Variants in GLP2R observed in about 807,000 individuals in gnomAD.
GLP2R encodes the protein glucagon-like peptide 2 receptor.
GLP2R carries 59 observed loss-of-function variants against 68.2 expected under a neutral mutation model. The observed-to-expected ratio is 0.87, with a 90% confidence interval of 0.70 to 1.07. The LOEUF (loss-of-function observed/expected upper bound fraction) is 1.07, where lower values mean the gene tolerates loss of function less well. Ranked by LOEUF, GLP2R falls within the 50% of genes least tolerant of loss-of-function variation. GLP2R has a pLI of 0.00. For synonymous variants in GLP2R, 270 were observed against 265.4 expected (o/e 1.02, Z -0.17); for missense variants, 548 against 677.4 (o/e 0.81, Z 2.12).
At chr17:9,879,271 TAAAATAAAATAAAATAAAATAAATAAA>T (rs2067169325) in intron 10 of GLP2R, among the ~76,000 whole-genome samples, 1 of 16,622 alleles carries the variant, frequency 6.0e-5, no homozygotes, top group South Asian at 2.6e-3. Flanking sequence ...TAAAATAAAA[TAAAATAAAATAAAATAAAATAAATAAA>T]ATAAAATAAA....
intron 11 of GLP2R, among the ~76,000 whole-genome samples, chr17:9,883,377 A>G (rs1277770533): frequency 2.1e-5 from 3 of 144,028 alleles, no homozygotes; most frequent in Non-Finnish European, 4.8e-5. Context: ...GCCATCAAGC[A>G]TACTAACATA....
chr17:9,863,337 T>G (rs1467416901), intron 9 of GLP2R, among the ~76,000 whole-genome samples: 6 of 152,244 alleles, frequency 3.9e-5, no homozygotes, highest in Admixed American at 2.0e-4. Context: ...TGAACTCATT[T>G]AATCTTCCCA....
At chr17:9,833,359 A>T (rs1325720400) in intron 1 of GLP2R, among the ~76,000 whole-genome samples, 2 of 110,106 alleles carry the variant, frequency 1.8e-5, no homozygotes, top group African/African-American at 5.2e-5. Context: ...GTCTACTCAG[A>T]GCCTTTGAGC....
chr17:9,864,219 C>T lies in GLP2R; in HGVS notation c.1056+2129C>T, dbSNP rs139516308. On this transcript the variant is annotated intron_variant, in intron 9 of 12. Transcript: ENST00000262441. The stretch of plus-strand genomic sequence containing the variant: ...CAACCTTGCTTTTCAAAGGATGGTC[C>T]TCAGACCGGGTAGCACCAGCATCGC... Among the ~76,000 whole-genome samples the T allele has an allele frequency of 3.2e-3, 492 of 152,322 alleles. 2 individuals carry two copies. The highest frequency in any genetic ancestry group is 0.017 in the Middle Eastern group (5 of 294).
intron 3 of GLP2R, among the ~76,000 whole-genome samples, chr17:9,836,952 C>T (rs925995175): frequency 1.3e-5 from 2 of 151,974 alleles, no homozygotes; most frequent in Non-Finnish European, 2.9e-5. Context: ...CAGGTTCAAG[C>T]GATTCTCCTG....
At chr17:9,877,619 G>A (rs546952436) in intron 10 of GLP2R, among the ~76,000 whole-genome samples, 2 of 152,252 alleles carry the variant, frequency 1.3e-5, no homozygotes, top group Admixed American at 1.3e-4. Flanking sequence ...GCCGGGGGCG[G>A]TGGCTCAAAC....
chr17:9,870,697 G>A (rs765873193), intron 9 of GLP2R, 50 bp from the exon 10 acceptor site: 1 of 861,994 alleles, frequency 1.2e-6, no homozygotes, highest in South Asian at 1.3e-5. Context: ...GAAGTTCACA[G>A]CTATGTGGAA....
intron 9 of GLP2R, among the ~76,000 whole-genome samples, chr17:9,870,078 AG>A (rs1489173088): frequency 2.6e-5 from 4 of 152,184 alleles, no homozygotes; most frequent in Admixed American, 6.5e-5. Flanking sequence ...AGACACCAAT[AG>A]GGATGGAGTT....
Position 9,871,885 on chromosome 17 carries a change from C to T in GLP2R, c.1145+1050C>T, listed in dbSNP as rs544553289. Among the ~76,000 whole-genome samples, 6 of 151,984 alleles carry T rather than the reference C, an allele frequency of 3.9e-5. No homozygotes were observed. The East Asian group carries it at 7.8e-4, about 20-fold the overall frequency. ...GATTACAGGCACCTGCCACCACGTC[C>T]GGCTAATTTTTGTATTTTTAGTAGA... On this transcript the variant is annotated intron_variant, in intron 10 of 12. Coordinates refer to ENST00000262441, the MANE Select transcript of GLP2R (RefSeq NM_004246.3).
chr17:9,890,494 C>T lies in GLP2R; in HGVS notation c.*789C>T, dbSNP rs55660558. The T allele has an allele frequency of 0.2, 31,227 of 157,866 alleles. 4,065 individuals carry two copies. Among genetic ancestry groups the T allele is most frequent in the Non-Finnish European group, 0.29 (21,068 of 71,992 alleles). 9.8% of individuals were successfully genotyped at this position (157,866 alleles called of 1,614,324 possible). ...CTTGATCCTCCCTTTGAGGATTGGC[C>T]CCAGTGCCTGGGGACCCTCTGAATG... is the stretch of plus-strand genomic sequence containing the variant. On this transcript the variant is annotated 3_prime_UTR_variant, in exon 13 of 13. Coordinates refer to ENST00000262441, the MANE Select transcript of GLP2R (RefSeq NM_004246.3).
Position 9,836,147 on chromosome 17 carries a change from C to T in GLP2R, c.278-224C>T, listed in dbSNP as rs572224196. Reference sequence around the variant, plus strand: ...GTAATTGACCGGAGGTCAAGTTGGGCAGACGAATGCACATTCTTTGGGACT... The same window carrying T: ...GTAATTGACCGGAGGTCAAGTTGGGTAGACGAATGCACATTCTTTGGGACT... On this transcript the variant is annotated intron_variant, in intron 2 of 12. Coordinates refer to ENST00000262441, the MANE Select transcript of GLP2R (RefSeq NM_004246.3). Among the ~76,000 whole-genome samples the T allele has an allele frequency of 2.6e-5, 4 of 152,182 alleles. No individual in the cohort carries two copies. In the South Asian group the frequency reaches 8.3e-4, roughly 32 times the overall value.
chr17:9,839,183 G>C (rs1017954824), intron 3 of GLP2R, among the ~76,000 whole-genome samples: 1 of 152,192 alleles, frequency 6.6e-6, no homozygotes, highest in Admixed American at 6.5e-5. Context: ...TTGGACACAG[G>C]AATGGAGGAA....
intron 10 of GLP2R, 32 bp from the exon 11 acceptor site, chr17:9,880,346 C>G (rs745390997): frequency 2.0e-6 from 3 of 1,480,704 alleles, no homozygotes; most frequent in Admixed American, 3.6e-5. Flanking sequence ...CCCATGTGGC[C>G]CTCTTGACTG....
intron 11 of GLP2R, among the ~76,000 whole-genome samples, chr17:9,887,460 G>A (rs2067253674): frequency 6.6e-6 from 1 of 152,180 alleles, no homozygotes; most frequent in South Asian, 2.1e-4. Context: ...TCGGGAGGCG[G>A]AGGTTGCAGT....
intron 4 of GLP2R, among the ~76,000 whole-genome samples, chr17:9,850,948 C>G (rs1160071347): frequency 6.6e-6 from 1 of 152,074 alleles, no homozygotes; most frequent in Non-Finnish European, 1.5e-5. Flanking sequence ...CTGCCTGGGC[C>G]TCCCAAAGTG....
intron 5 of GLP2R, 103 bp downstream of exon 5, chr17:9,854,704 G>A (rs905701854): frequency 1.7e-5 from 13 of 752,296 alleles, no homozygotes; most frequent in Non-Finnish European, 2.9e-5. Flanking sequence ...TGAAACCAGG[G>A]GTAGAACGAA....
chr17:9,845,033 C>A (rs546317361), intron 4 of GLP2R, among the ~76,000 whole-genome samples: 130 of 149,846 alleles, frequency 8.7e-4, no homozygotes, highest in African/African-American at 2.9e-3. Context: ...CTGCAAAACA[C>A]CCCCACTCTC....
At chr17:9,887,590 G>C (rs1294149786) in intron 11 of GLP2R, among the ~76,000 whole-genome samples, 1 of 152,142 alleles carries the variant, frequency 6.6e-6, no homozygotes, top group African/African-American at 2.4e-5. Flanking sequence ...AGATGCAACA[G>C]TGACCTTGCC....
chr17:9,876,574 C>G (rs551893245), intron 10 of GLP2R, among the ~76,000 whole-genome samples: 17 of 152,212 alleles, frequency 1.1e-4, no homozygotes, highest in African/African-American at 4.1e-4. Flanking sequence ...TCCTCCACCT[C>G]TCACATGAGG....
Sources: allele counts gnomAD v4.1 joint callset (sites outside exome capture counted in the v4.1 genomes callset), GRCh38; gene constraint gnomAD v4.1.1; transcripts MANE v1.5; gene names NCBI Gene and HGNC (gene_info 2026-07-23, HGNC 2026-07-21).